Variants in PSME2 observed in about 807,000 individuals in gnomAD.
PSME2 encodes the protein proteasome activator subunit 2, also known as proteasome activator complex subunit 2.
In PSME2, 20 loss-of-function variants were observed where a neutral mutation model predicts 38.8. That is an observed-to-expected ratio of 0.52 (90% CI 0.36 to 0.75). PSME2 has a LOEUF of 0.75. Ranked by LOEUF, PSME2 falls within the 30% of genes least tolerant of loss-of-function variation. PSME2 has a pLI of 0.00. For missense variants in PSME2, 227 were observed against 287.6 expected, an observed-to-expected ratio of 0.79 and a Z score of 1.52; for synonymous variants, 82 against 102.5, an observed-to-expected ratio of 0.80 and a Z score of 1.21.
At chr14:24,144,313 A>G in intron 7 of PSME2, 54 bp from the exon 8 acceptor site, 1 of 1,610,518 alleles carries the variant, frequency 6.2e-7, no homozygotes, top group Non-Finnish European at 8.5e-7. Context: ...CATTTCATAC[A>G]CTATCTTCCT....
chr14:24,145,793 G>A (rs771518800), intron 2 of PSME2, 21 bp from the exon 3 acceptor site: 22 of 1,605,028 alleles, frequency 1.4e-5, no homozygotes, highest in South Asian at 2.2e-5. Flanking sequence ...CATTGCAAGG[G>A]AGGGGAATCA....
chr14:24,143,610 A>G lies in PSME2; in HGVS notation c.614T>C (p.Met205Thr). ...ATAGAAGGCCCTCAGGTCCAGCACC[A>G]TGGCCCTGAGCTCCCCATAGGCTGC... is the stretch of plus-strand genomic sequence containing the variant. Reference protein sequence around the residue: ...DEAAYGELRAMVLDLRAFYAE... With the variant: ...DEAAYGELRATVLDLRAFYAE... The change falls in exon 10 of 11, where the codon ATG becomes ACG. Residue 205 changes from methionine (M) to threonine (T), a missense_variant. By Grantham distance (81) the Met-to-Thr change is moderately conservative. Coordinates refer to ENST00000216802, the MANE Select transcript of PSME2 (RefSeq NM_002818.3). The surrounding 1 kb of genome is among the most constrained non-coding windows in gnomAD (Gnocchi z 4.4). 1.2e-6 allele frequency: 2 copies of G among 1,614,108 alleles called. No homozygotes were observed. Among genetic ancestry groups the G allele is most frequent in the South Asian group, 1.1e-5 (1 of 91,070 alleles).
At position 24,143,972 on chromosome 14, in the gene PSME2, C is replaced by T; in HGVS notation, c.552+3G>A. 3.7e-6 allele frequency: 6 copies of T among 1,613,888 alleles called. No individual in the cohort carries two copies. Among genetic ancestry groups the T allele is most frequent in the East Asian group, 2.2e-5 (1 of 44,902 alleles). On this transcript the variant is annotated splice_donor_region_variant and intron_variant, in intron 9 of 10. Coordinates refer to ENST00000216802, the MANE Select transcript of PSME2 (RefSeq NM_002818.3). The surrounding 1 kb of genome is among the most constrained non-coding windows in gnomAD (Gnocchi z 4.4). ...CTAAAAGGCTGGTGGACTATCCACT[C>T]ACTACATGAGTCTCCTTGGAGGCCT...
In PSME2 at chr14:24,143,904, CAAG is replaced by C; in HGVS notation, c.552+68_552+70del. 1.0e-5 allele frequency: 16 copies of C among 1,534,388 alleles called. No homozygotes were observed. Among genetic ancestry groups the C allele is most frequent in the Non-Finnish European group, 1.4e-5 (16 of 1,110,196 alleles). Reference sequence around the variant, plus strand: ...CACATTGGGAAAGTCACAAACAAGACAAGGAGGACTTCTTCCTCCACACCTCCT... The same window carrying C: ...CACATTGGGAAAGTCACAAACAAGACGAGGACTTCTTCCTCCACACCTCCT... On this transcript the variant is annotated intron_variant, in intron 9 of 10. Transcript: ENST00000216802. The surrounding 1 kb of genome is among the most constrained non-coding windows in gnomAD (Gnocchi z 4.4).
In PSME2 at chr14:24,144,460, T is replaced by C. The variant is rs759499686; in HGVS notation, c.369A>G (p.Thr123=). 2.7e-5 allele frequency: 44 copies of C among 1,611,190 alleles called. 1 individual carries two copies. In the East Asian group the frequency reaches 9.4e-4, roughly 34 times the overall value. The change falls in exon 7 of 11, where the codon ACA becomes ACG. Residue 123 remains threonine, a synonymous_variant. Coordinates refer to ENST00000216802, the MANE Select transcript of PSME2 (RefSeq NM_002818.3). ...TCTTGGGGATCAGGTGTTGGATCCA[T>C]GTAATCACCTGTGTTAAGAGGTATC... ...TLKEKCILVI[T]WIQHLIPKIE...
rs1185241749 is a variant in PSME2, at chr14:24,146,251, A to G, written c.49-11T>C. 6 of 1,613,670 alleles carry G rather than the reference A, an allele frequency of 3.7e-6. No individual in the cohort carries two copies. The highest frequency in any genetic ancestry group is 5.1e-6 in the Non-Finnish European group (6 of 1,179,668). ...TCTGAAGACCTCCACCTACACAGAG[A>G]GCAGTACCCGGATGTTGGTTAAGGG... On this transcript the variant is annotated splice_polypyrimidine_tract_variant and intron_variant, in intron 1 of 10. Transcript: ENST00000216802.
chr14:24,144,186 C>T lies in PSME2; in HGVS notation c.497+6G>A. On this transcript the variant is annotated splice_donor_region_variant and intron_variant, in intron 8 of 10. Coordinates refer to ENST00000216802, the MANE Select transcript of PSME2 (RefSeq NM_002818.3). ...CCCCCAATGCTGGTCCTCCAGCTGC[C>T]CTCACTTGGAAATGGTTGTCTGGAA... 2 of 1,614,222 alleles carry T rather than the reference C, an allele frequency of 1.2e-6. No individual in the cohort carries two copies. Among genetic ancestry groups the T allele is most frequent in the Non-Finnish European group, 1.7e-6 (2 of 1,180,042 alleles).
intron 6 of PSME2, 149 bp from the exon 7 acceptor site, chr14:24,144,617 G>A: frequency 1.3e-6 from 1 of 750,378 alleles, no homozygotes; most frequent in Non-Finnish European, 2.2e-6. Flanking sequence ...AATCATCACA[G>A]CAACCTTCAG....
Position 24,144,433 on chromosome 14 carries a change from A to C in PSME2, c.396T>G (p.Ile132Met), listed in dbSNP as rs1244008150. 2 of 1,613,448 alleles carry C rather than the reference A, an allele frequency of 1.2e-6. No homozygotes were observed. The highest frequency in any genetic ancestry group is 1.7e-5 in the Admixed American group (1 of 59,988). Residue 132 changes from isoleucine to methionine, a missense_variant, in exon 7 of 11, where the codon ATT becomes ATG. Ile to Met is a conservative substitution (Grantham distance 10). This residue lies in a region of PSME2 where 48 missense variants were observed against 96.4 expected (regional missense o/e 0.50). Coordinates refer to ENST00000216802, the MANE Select transcript of PSME2 (RefSeq NM_002818.3). Reference sequence around the variant, plus strand: ...CTACCCCAAAATCATTTCCATCTTCAATCTTGGGGATCAGGTGTTGGATCC... The same window carrying C: ...CTACCCCAAAATCATTTCCATCTTCCATCTTGGGGATCAGGTGTTGGATCC... ...ITWIQHLIPK[I>M]EDGNDFGVAI...
Position 24,145,783 on chromosome 14 carries a change from C to T in PSME2, c.82-11G>A, listed in dbSNP as rs1272663049. 3 of 1,610,550 alleles carry T rather than the reference C, an allele frequency of 1.9e-6. No individual in the cohort carries two copies. The highest frequency in any genetic ancestry group is 1.7e-6 in the Non-Finnish European group (2 of 1,176,946). On this transcript the variant is annotated splice_polypyrimidine_tract_variant and intron_variant, in intron 2 of 10. Transcript: ENST00000216802. Reference sequence around the variant, plus strand: ...GAGGAATTCCTCAGCCTGTGGGTTACATTGCAAGGGAGGGGAATCACAGAA... The same window carrying T: ...GAGGAATTCCTCAGCCTGTGGGTTATATTGCAAGGGAGGGGAATCACAGAA...
intron 6 of PSME2, chr14:24,144,821 G>C: frequency 1.7e-6 from 1 of 585,286 alleles, no homozygotes; most frequent in Non-Finnish European, 3.0e-6. Flanking sequence ...ACCCAATACA[G>C]CAGTAGGTTC....
chr14:24,146,166 G>T, intron 2 of PSME2, 42 bp downstream of exon 2: 1 of 1,604,390 alleles, frequency 6.2e-7, no homozygotes, highest in South Asian at 1.1e-5. Flanking sequence ...TCAAGTATTG[G>T]TCCAAGATTC....
At chr14:24,146,160 G>T in intron 2 of PSME2, 48 bp downstream of exon 2, 1 of 1,598,086 alleles carries the variant, frequency 6.3e-7, no homozygotes, top group Non-Finnish European at 8.6e-7. Flanking sequence ...TTATCCTCAA[G>T]TATTGGTCCA....
chr14:24,145,602 C>T (rs1045243332), intron 3 of PSME2, 108 bp downstream of exon 3: 2 of 1,476,092 alleles, frequency 1.4e-6, no homozygotes, highest in Admixed American at 1.7e-5. Context: ...GTTCCTAATC[C>T]ACTATTTGAA....
chr14:24,143,466 G>T lies in PSME2; in HGVS notation c.663C>A (p.Ser221Arg). The change falls in exon 11 of 11, where the codon AGC becomes AGA. Residue 221 changes from serine (S) to arginine (R), a missense_variant. Transcript: ENST00000216802. The surrounding 1 kb of genome is among the most constrained non-coding windows in gnomAD (Gnocchi z 4.4). Reference protein sequence around the residue: ...AFYAELYHIISSNLEKIVNPK... With the variant: ...AFYAELYHIIRSNLEKIVNPK... ...GGTTGACAATTTTCTCCAGGTTGCT[G>T]CTGATGATATGATAAAGCTCAGCCT... 3 of 1,614,158 alleles carry T rather than the reference G, an allele frequency of 1.9e-6. No homozygotes were observed. Among genetic ancestry groups the T allele is most frequent in the Non-Finnish European group, 2.5e-6 (3 of 1,180,018 alleles).
chr14:24,143,897 A>C lies in PSME2; in HGVS notation c.552+78T>G. 6.5e-7 allele frequency: 1 copy of C among 1,535,544 alleles called. No homozygotes were observed. The highest frequency in any genetic ancestry group is 9.0e-7 in the Non-Finnish European group (1 of 1,112,662). Reference sequence around the variant, plus strand: ...TATTCTCCACATTGGGAAAGTCACAAACAAGACAAGGAGGACTTCTTCCTC... The same window carrying C: ...TATTCTCCACATTGGGAAAGTCACACACAAGACAAGGAGGACTTCTTCCTC... On this transcript the variant is annotated intron_variant, in intron 9 of 10. Coordinates refer to ENST00000216802, the MANE Select transcript of PSME2 (RefSeq NM_002818.3). The surrounding 1 kb of genome is among the most constrained non-coding windows in gnomAD (Gnocchi z 4.4).
Position 24,145,277 on chromosome 14 carries a change from A to T in PSME2, c.232-4T>A. On this transcript the variant is annotated splice_region_variant and splice_polypyrimidine_tract_variant and intron_variant, in intron 4 of 10. Coordinates refer to ENST00000216802, the MANE Select transcript of PSME2 (RefSeq NM_002818.3). ...TCTCCTGCTTATCTGTTTCCATCTA[A>T]GGCAAAAAGGGGGGAAAGTAGCTTT... The T allele has an allele frequency of 6.2e-7, 1 of 1,613,958 alleles. No homozygotes were observed. Among genetic ancestry groups the T allele is most frequent in the Non-Finnish European group, 8.5e-7 (1 of 1,179,922 alleles).
At chr14:24,144,582 A>T in intron 6 of PSME2, 114 bp from the exon 7 acceptor site, 1 of 960,072 alleles carries the variant, frequency 1.0e-6, no homozygotes, top group East Asian at 2.5e-5. Context: ...CATACCAGGT[A>T]CTGTGCCATG....
chr14:24,145,738 T>C lies in PSME2; in HGVS notation c.116A>G (p.Lys39Arg). 1.2e-6 allele frequency: 2 copies of C among 1,614,058 alleles called. No individual in the cohort carries two copies. The highest frequency in any genetic ancestry group is 1.6e-4 in the Middle Eastern group (1 of 6,062). Residue 39 changes from lysine (K) to arginine (R), a missense_variant, in exon 3 of 11, where the codon AAA (lysine) becomes AGA (arginine). This residue lies in a region of PSME2 where 80 missense variants were observed against 77.3 expected (regional missense o/e 1.04). Transcript: ENST00000216802. ...EEFLYRFLPQ[K>R]IIYLNQLLQE... The stretch of plus-strand genomic sequence containing the variant: ...CAAGAGCTGATTCAGGTATATGATT[T>C]TCTGTGGCAAGAATCTGTAGAGGAA...
Sources: gnomAD v4.1 joint callset for allele counts on GRCh38, gnomAD v4.1.1 for gene constraint, gnomAD v4.1.1 regional missense constraint, Gnocchi (gnomAD v3.1) non-coding constraint, MANE v1.5 for transcripts, NCBI Gene and HGNC (gene_info 2026-07-23, HGNC 2026-07-21) for gene names.